HHLA1: variants seen among roughly 807,000 people sequenced by gnomAD.
HHLA1 encodes HHLA1 neighbor of OC90, also known as HERV-H LTR-associating protein 1.
HHLA1 carries 72 observed loss-of-function variants against 69.9 expected under a neutral mutation model. The observed-to-expected ratio is 1.03, with a 90% CI of 0.85 to 1.25. The LOEUF (loss-of-function observed/expected upper bound fraction) is 1.25, where lower values mean the gene tolerates loss of function less well. Ranked by LOEUF, HHLA1 falls within the 50% of genes most tolerant of loss-of-function variation. The pLI is 0.00. For synonymous variants in HHLA1, 252 were observed against 233.2 expected, an observed-to-expected ratio of 1.08 and a Z score of -0.73; for missense variants, 685 against 642.2, an observed-to-expected ratio of 1.07 and a Z score of -0.72.
At position 132,089,376 on chromosome 8, in the gene HHLA1, A is replaced by G. The variant is rs975890170; in HGVS notation, c.532+140T>C. 4 of 675,446 alleles carry G rather than the reference A, an allele frequency of 5.9e-6. No individual in the cohort carries two copies. In the African/African-American group the frequency reaches 7.3e-5, roughly 12 times the overall value. 41.8% of individuals were successfully genotyped at this position (675,446 alleles called of 1,614,324 possible). On this transcript the variant is annotated intron_variant, in intron 8 of 16. Coordinates refer to ENST00000414222, the MANE Select transcript of HHLA1 (RefSeq NM_001145095.3). ...GTGTGGAAACTGGACCACACTGATTATCTAAATAAAGATTACATGAACGTT... is the reference window on the plus strand; with the variant it reads ...GTGTGGAAACTGGACCACACTGATTGTCTAAATAAAGATTACATGAACGTT...
At chr8:132,086,977 C>A (rs1472454035) in intron 10 of HHLA1, among the ~76,000 whole-genome samples, 2 of 152,212 alleles carry the variant, frequency 1.3e-5, no homozygotes, top group Non-Finnish European at 2.9e-5. Flanking sequence ...CCTTAAAGTT[C>A]CTTTCATTGA....
chr8:132,101,319 G>T (rs765120952), intron 3 of HHLA1: 1 of 1,542,850 alleles, frequency 6.5e-7, no homozygotes, highest in Non-Finnish European at 8.7e-7. Flanking sequence ...TGAAAGTACA[G>T]CCTCAAACAG....
At chr8:132,104,492 G>A (rs952432736) in intron 2 of HHLA1, among the ~76,000 whole-genome samples, 15 of 152,190 alleles carry the variant, frequency 9.9e-5, no homozygotes, top group African/African-American at 3.1e-4. Flanking sequence ...ATCTAGTCTC[G>A]GGAATCTGGA....
At position 132,062,472 on chromosome 8, in the gene HHLA1, C is replaced by T. The variant is rs1225637045; in HGVS notation, c.*1523G>A. On this transcript the variant is annotated 3_prime_UTR_variant, in exon 17 of 17. Transcript: ENST00000414222. ...ATGATGAACAGAAAGTGACTTTCCT[C>T]ACCCAAGGGCAGCCCTAGGTCACAA... 1 of 152,156 alleles carries T rather than the reference C, an allele frequency of 6.6e-6. No individual in the cohort carries two copies. Among genetic ancestry groups the T allele is most frequent in the African/African-American group, 2.4e-5 (1 of 41,428 alleles). 9.4% of individuals were successfully genotyped at this position (152,156 alleles called of 1,614,324 possible).
In HHLA1 at chr8:132,076,088, G is replaced by A. The variant is rs1823633985; in HGVS notation, c.1282C>T (p.Pro428Ser). 6.4e-7 allele frequency: 1 copy of A among 1,551,210 alleles called. No individual in the cohort carries two copies. ...AEWPFTAGEEPVLVPRPHQVS... is the reference protein window; with the variant it reads ...AEWPFTAGEESVLVPRPHQVS... The stretch of plus-strand genomic sequence containing the variant: ...TGATGGGGTCTTGGGACCAGGACTG[G>A]CTCTTCACCAGCAGTGAATGGCCAC... Residue 428 changes from proline (P) to serine (S), a missense_variant, in exon 14 of 17, where the codon CCA becomes TCA. Transcript: ENST00000414222.
chr8:132,065,578 A>G (rs902226615), intron 16 of HHLA1, among the ~76,000 whole-genome samples: 5 of 152,212 alleles, frequency 3.3e-5, no homozygotes, highest in East Asian at 1.9e-4. Flanking sequence ...CACCGCGCCC[A>G]GCCTTTTATT....
In HHLA1 at chr8:132,100,124, A is replaced by T; in HGVS notation, c.150T>A (p.Leu50=). 1 of 1,550,632 alleles carries T rather than the reference A, an allele frequency of 6.4e-7. No individual in the cohort carries two copies. Among genetic ancestry groups the T allele is most frequent in the Non-Finnish European group, 8.7e-7 (1 of 1,146,094 alleles). ...CCTTCTCCTTCCTCTCTTCTTCTCT[A>T]AGGCCAGACACTGGGAAGGAGACAG... The part of the protein sequence containing the change: ...MTFLPTTVSG[L]REEERKEKGV... The change falls in exon 4 of 17, where the codon CTT becomes CTA. Residue 50 remains leucine, a synonymous_variant. Transcript: ENST00000414222.
chr8:132,098,636 A>AT (rs1170018331), intron 5 of HHLA1, among the ~76,000 whole-genome samples: 1 of 151,770 alleles, frequency 6.6e-6, no homozygotes, highest in Non-Finnish European at 1.5e-5. Context: ...TAATTTTTGT[A>AT]TTTTTTGTAA....
At chr8:132,084,072 T>C (rs1353948806) in intron 10 of HHLA1, among the ~76,000 whole-genome samples, 4 of 151,938 alleles carry the variant, frequency 2.6e-5, no homozygotes, top group Admixed American at 2.6e-4. Context: ...GCCTAAATGC[T>C]ATCTGATTTG....
At chr8:132,081,042 G>A (rs1360348911) in intron 10 of HHLA1, 1 of 152,180 alleles carries the variant, frequency 6.6e-6, no homozygotes, top group East Asian at 1.9e-4. Flanking sequence ...ATTAGAGAGT[G>A]CCTAAGGAGA....
intron 12 of HHLA1, among the ~76,000 whole-genome samples, 171 bp downstream of exon 12, chr8:132,077,555 A>G (rs1308615073): frequency 6.6e-6 from 1 of 152,202 alleles, no homozygotes; most frequent in Non-Finnish European, 1.5e-5. Context: ...ACAGATGGGA[A>G]GAAAGAGGTA....
At chr8:132,078,355 T>A (rs1586726668) in intron 11 of HHLA1, among the ~76,000 whole-genome samples, 1 of 152,184 alleles carries the variant, frequency 6.6e-6, no homozygotes, top group Non-Finnish European at 1.5e-5. Context: ...AGATTAGTTG[T>A]GCCTCTGTCT....
intron 3 of HHLA1, chr8:132,101,090 C>A (rs1284974062): frequency 2.9e-6 from 4 of 1,357,002 alleles, no homozygotes; most frequent in African/African-American, 1.5e-5. Flanking sequence ...TGAAAAATGA[C>A]CATTGCAACA....
At chr8:132,067,505 G>A (rs1194190490) in intron 15 of HHLA1, among the ~76,000 whole-genome samples, 1 of 152,084 alleles carries the variant, frequency 6.6e-6, no homozygotes, top group African/African-American at 2.4e-5. Flanking sequence ...TCCAGAGATA[G>A]GATGTCAAGG....
intron 8 of HHLA1, among the ~76,000 whole-genome samples, chr8:132,088,842 G>T (rs1053012555): frequency 1.3e-5 from 2 of 152,176 alleles, no homozygotes; most frequent in African/African-American, 4.8e-5. Context: ...TGCCCCAAAA[G>T]GTTGTAGTGA....
chr8:132,066,883 A>G (rs941788819), intron 15 of HHLA1, among the ~76,000 whole-genome samples: 4 of 152,224 alleles, frequency 2.6e-5, no homozygotes, highest in African/African-American at 9.7e-5. Flanking sequence ...AACCCACTTT[A>G]TGCCAGATCA....
At chr8:132,091,388 C>T (rs1327287117) in intron 7 of HHLA1, among the ~76,000 whole-genome samples, 2 of 152,166 alleles carry the variant, frequency 1.3e-5, no homozygotes, top group African/African-American at 4.8e-5. Context: ...TGTAACTTGT[C>T]CAAAGTTCCA....
At chr8:132,095,899 A>G in intron 5 of HHLA1, 113 bp from the exon 6 acceptor site, 1 of 607,300 alleles carries the variant, frequency 1.6e-6, no homozygotes, top group Non-Finnish European at 2.8e-6. Flanking sequence ...ACCAATGATG[A>G]AAATAAAGAA....
chr8:132,093,145 G>A (rs16904588), intron 7 of HHLA1, among the ~76,000 whole-genome samples: 4,860 of 152,264 alleles, frequency 0.032, 266 homozygotes, highest in African/African-American at 0.11. Flanking sequence ...TAGGTAGATA[G>A]GTAGGTTAGA....
Sources: allele counts gnomAD v4.1 joint callset (sites outside exome capture counted in the v4.1 genomes callset), GRCh38; gene constraint gnomAD v4.1.1; transcripts MANE v1.5; gene names NCBI Gene and HGNC (gene_info 2026-07-23, HGNC 2026-07-21).